Variants in SLC1A4 observed in about 807,000 individuals in gnomAD.
The protein encoded by SLC1A4 is neutral amino acid transporter A.
Under a neutral mutation model 37.7 loss-of-function variants are expected in SLC1A4, and 19 were observed. The observed-to-expected ratio is 0.50, with a 90% CI of 0.35 to 0.74. The LOEUF is 0.74. Ranked by LOEUF, SLC1A4 falls within the 30% of genes least tolerant of loss-of-function variation. The probability of loss-of-function intolerance (pLI) is 0.01; values close to 1 mark genes in which losing one functional copy is unlikely to be tolerated. For synonymous variants in SLC1A4, 299 were observed against 309.8 expected (o/e 0.97, Z 0.37); for missense variants, 570 against 712.9 (o/e 0.80, Z 2.28).
At chr2:65,002,228 C>T (rs1471986024) in intron 2 of SLC1A4, among the ~76,000 whole-genome samples, 2 of 147,188 alleles carry the variant, frequency 1.4e-5, no homozygotes, top group Non-Finnish European at 3.0e-5. Context: ...TGCAGAGAGC[C>T]GAGATCACAC....
chr2:65,020,473 C>A (rs111462422), intron 7 of SLC1A4, among the ~76,000 whole-genome samples: 124 of 152,264 alleles, frequency 8.1e-4, no homozygotes, highest in Non-Finnish European at 9.4e-4. Flanking sequence ...CACTATGTTG[C>A]CCAGGCTGGT....
In SLC1A4 at chr2:65,010,726, A is replaced by G. The variant is rs773586650; in HGVS notation, c.763A>G (p.Asn255Asp). 3 of 1,613,934 alleles carry G rather than the reference A, an allele frequency of 1.9e-6. No homozygotes were observed. Among genetic ancestry groups the G allele is most frequent in the Non-Finnish European group, 2.5e-6 (3 of 1,179,980 alleles). ...CCTCATCCGTTTCTTCAATTCCCTCAACGAGGCGACGATGGTGCTGGTGTC... is the reference window on the plus strand; with the variant it reads ...CCTCATCCGTTTCTTCAATTCCCTCGACGAGGCGACGATGGTGCTGGTGTC... ...EDLIRFFNSL[N>D]EATMVLVSWI... is the part of the protein sequence containing the mutation. The change falls in exon 4 of 8, where the codon AAC (asparagine) becomes GAC (aspartate). Residue 255 changes from asparagine to aspartate, a missense_variant. By Grantham distance (23) the Asn-to-Asp change is conservative (BLOSUM62 1). Coordinates refer to ENST00000234256, the MANE Select transcript of SLC1A4 (RefSeq NM_003038.5).
intron 4 of SLC1A4, 139 bp from the exon 5 acceptor site, chr2:65,016,301 G>A (rs545651195): frequency 2.9e-6 from 2 of 698,274 alleles, no homozygotes; most frequent in African/African-American, 1.8e-5. Flanking sequence ...AACCCTGACT[G>A]TTTCGGTTCC....
chr2:64,999,395 A>AC (rs1673382820), intron 1 of SLC1A4: 1 of 152,146 alleles, frequency 6.6e-6, no homozygotes, highest in Non-Finnish European at 1.5e-5. Flanking sequence ...CTGTGAGAGC[A>AC]CCCTAAGTGT....
In SLC1A4 at chr2:65,018,464, A is replaced by C; in HGVS notation, c.1230-81A>C. On this transcript the variant is annotated intron_variant, in intron 6 of 7. Coordinates refer to ENST00000234256, the MANE Select transcript of SLC1A4 (RefSeq NM_003038.5). This position sits in a 1 kb window ranked among gnomAD's most constrained non-coding sequence, Gnocchi z 4.3. ...GGGGCGGTTTTTAGTTTCCAGCCAC[A>C]TTGCAGCTGCATGGTCTGCATTTCT... 1.3e-6 allele frequency: 2 copies of C among 1,567,890 alleles called. No homozygotes were observed. Among genetic ancestry groups the C allele is most frequent in the Non-Finnish European group, 1.7e-6 (2 of 1,154,814 alleles).
In SLC1A4 at chr2:65,003,825, G is replaced by A. The variant is rs17624279; in HGVS notation, c.571-128G>A. The A allele has an allele frequency of 0.015, 9,870 of 674,850 alleles. 165 individuals carry two copies. The highest frequency in any genetic ancestry group is 0.015 in the Non-Finnish European group (5,937 of 383,226). The allele number at this position is 674,850 out of a possible 1,614,324, so 41.8% of individuals were successfully genotyped here. Reference sequence around the variant, plus strand: ...GAGGCTTTTGTCAGGCCAGCCAAGTGAGGAATGCCCAGGACACTCAGTGTG... The same window carrying A: ...GAGGCTTTTGTCAGGCCAGCCAAGTAAGGAATGCCCAGGACACTCAGTGTG... On this transcript the variant is annotated intron_variant, in intron 2 of 7. Transcript: ENST00000234256.
In SLC1A4 at chr2:65,018,622, A is replaced by G; in HGVS notation, c.1307A>G (p.Glu436Gly). The G allele has an allele frequency of 6.2e-7, 1 of 1,614,222 alleles. No individual in the cohort carries two copies. Among genetic ancestry groups the G allele is most frequent in the Non-Finnish European group, 8.5e-7 (1 of 1,180,044 alleles). ...GTCCTCACCATTGCCATTATCCTGGAGGCCATTGGGCTGCCTACTCATGAC... is the reference window on the plus strand; with the variant it reads ...GTCCTCACCATTGCCATTATCCTGGGGGCCATTGGGCTGCCTACTCATGAC... The part of the protein sequence containing the change: ...GGVLTIAIIL[E>G]AIGLPTHDLP... Residue 436 changes from glutamate (E) to glycine (G), a missense_variant, in exon 7 of 8, where the codon GAG (glutamate) becomes GGG (glycine). Transcript: ENST00000234256. This position sits in a 1 kb window ranked among gnomAD's most constrained non-coding sequence, Gnocchi z 4.3.
chr2:65,021,204 C>A lies in SLC1A4; in HGVS notation c.*58C>A. 7.1e-7 allele frequency: 1 copy of A among 1,417,196 alleles called. No individual in the cohort carries two copies. The highest frequency in any genetic ancestry group is 9.9e-7 in the Non-Finnish European group (1 of 1,012,656). The allele number at this position is 1,417,196 out of a possible 1,614,324, so 87.8% of individuals were successfully genotyped here. On this transcript the variant is annotated 3_prime_UTR_variant, in exon 8 of 8. Transcript: ENST00000234256. ...TGATGTCCCACCCTGTTCACCCAGC[C>A]GCCAGTCATGGACACAGGGCACTGC... is the stretch of plus-strand genomic sequence containing the variant.
intron 3 of SLC1A4, 95 bp from the exon 4 acceptor site, chr2:65,010,502 G>A: frequency 3.9e-6 from 4 of 1,018,986 alleles, no homozygotes; most frequent in Non-Finnish European, 5.7e-6. Flanking sequence ...CTCGTTCTGG[G>A]TACAGTGTTT....
At chr2:65,008,504 G>T (rs1172527913) in intron 3 of SLC1A4, among the ~76,000 whole-genome samples, 1 of 152,184 alleles carries the variant, frequency 6.6e-6, no homozygotes, top group Non-Finnish European at 1.5e-5. Context: ...AGCCTGGCAT[G>T]GTGGCACATG....
chr2:64,992,822 T>C (rs2268478), intron 1 of SLC1A4, among the ~76,000 whole-genome samples: 23,160 of 152,046 alleles, frequency 0.15, 1,778 homozygotes, highest in East Asian at 0.22. Flanking sequence ...AGACAAATGC[T>C]CCTTTCCTCC....
chr2:64,995,123 C>T (rs996482615), intron 1 of SLC1A4, among the ~76,000 whole-genome samples: 3 of 151,984 alleles, frequency 2.0e-5, no homozygotes, highest in African/African-American at 4.8e-5. Flanking sequence ...CTTTTACCTC[C>T]CAGGAGGACA....
At chr2:64,993,038 G>C (rs184497181) in intron 1 of SLC1A4, among the ~76,000 whole-genome samples, 1 of 152,328 alleles carries the variant, frequency 6.6e-6, no homozygotes, top group African/African-American at 2.4e-5. Context: ...ATGTGACTCT[G>C]GGCATCTTCT....
chr2:65,007,612 A>G (rs1057247006), intron 3 of SLC1A4, among the ~76,000 whole-genome samples: 1 of 152,220 alleles, frequency 6.6e-6, no homozygotes, highest in Non-Finnish European at 1.5e-5. Context: ...GAAAGCTGGA[A>G]CTGCCTGACC....
intron 4 of SLC1A4, among the ~76,000 whole-genome samples, chr2:65,014,323 A>G (rs138146318): frequency 2.0e-5 from 3 of 152,368 alleles, no homozygotes; most frequent in African/African-American, 7.2e-5. Flanking sequence ...TAGACAAAGT[A>G]TGTGAAACCT....
chr2:65,005,914 G>T (rs1480417006), intron 3 of SLC1A4, among the ~76,000 whole-genome samples: 1 of 151,758 alleles, frequency 6.6e-6, no homozygotes, highest in Non-Finnish European at 1.5e-5. Context: ...AAGGTAGGAG[G>T]ATTGCTTGAC....
At chr2:65,001,570 T>A in intron 2 of SLC1A4, 80 bp downstream of exon 2, 1 of 1,333,172 alleles carries the variant, frequency 7.5e-7, no homozygotes. Context: ...TTAGGTAAGG[T>A]AGAACAGGGA....
At position 65,021,243 on chromosome 2, in the gene SLC1A4, T is replaced by C. The variant is rs1405212869; in HGVS notation, c.*97T>C. The C allele has an allele frequency of 1.6e-5, 15 of 957,208 alleles. No individual in the cohort carries two copies. The highest frequency in any genetic ancestry group is 2.2e-5 in the Non-Finnish European group (14 of 629,454). The allele number at this position is 957,208 out of a possible 1,614,324, so 59.3% of individuals were successfully genotyped here. ...ACAGGGCACTGCCCTTGCCAACTTT[T>C]ACCCTCCCAAGCAATGCTTTGGCCC... On this transcript the variant is annotated 3_prime_UTR_variant, in exon 8 of 8. Coordinates refer to ENST00000234256, the MANE Select transcript of SLC1A4 (RefSeq NM_003038.5).
Position 65,023,755 on chromosome 2 carries a change from ATGT to A in SLC1A4, c.*2613_*2615del, listed in dbSNP as rs1261131009. On this transcript the variant is annotated 3_prime_UTR_variant, in exon 8 of 8. Transcript: ENST00000234256. ...TTTCCCCTGCTGTTCTCTTTCTAAC[ATGT>A]TGTGGTAAATCTGTTCAGATACTGC... is the stretch of plus-strand genomic sequence containing the variant. The A allele has an allele frequency of 3.9e-5, 6 of 152,758 alleles. No individual in the cohort carries two copies. Among genetic ancestry groups the A allele is most frequent in the Non-Finnish European group, 5.9e-5 (4 of 68,024 alleles). The allele number at this position is 152,758 out of a possible 1,614,324, so 9.5% of individuals were successfully genotyped here.
Sources: allele counts gnomAD v4.1 joint callset (sites outside exome capture counted in the v4.1 genomes callset), GRCh38; gene constraint gnomAD v4.1.1; non-coding constraint Gnocchi (gnomAD v3.1); transcripts MANE v1.5; gene names NCBI Gene and HGNC (gene_info 2026-07-23, HGNC 2026-07-21).